Variants in PDE4D observed in about 807,000 individuals in gnomAD.
The protein encoded by PDE4D is phosphodiesterase 4D.
A neutral mutation model predicts 87.4 loss-of-function variants in PDE4D; 24 were observed. That is an observed-to-expected ratio of 0.27 (90% CI 0.20 to 0.39). The LOEUF (loss-of-function observed/expected upper bound fraction) is 0.39. PDE4D is among the 10% of genes least tolerant of loss of function. The pLI, the probability that PDE4D is intolerant of heterozygous loss-of-function variation, is 1.00. For synonymous variants in PDE4D, 384 were observed against 383.2 expected (o/e 1.00, Z -0.02); for missense variants, 714 against 1,041.0 (o/e 0.69, Z 4.32).
chr5:59,920,881 G>A (rs1385850644), intron 3 of PDE4D, among the ~76,000 whole-genome samples: 1 of 141,404 alleles, frequency 7.1e-6, no homozygotes. Context: ...GAGGGGGGAG[G>A]GGGAGGGAAA....
chr5:59,000,448 C>T (rs1750259926), intron 6 of PDE4D, among the ~76,000 whole-genome samples: 1 of 152,118 alleles, frequency 6.6e-6, no homozygotes, highest in Admixed American at 6.6e-5. Context: ...GACTAATGTC[C>T]AGAATTCACA....
chr5:60,201,623 T>A (rs1741922460), intron 1 of PDE4D, among the ~76,000 whole-genome samples: 1 of 152,162 alleles, frequency 6.6e-6, no homozygotes, highest in South Asian at 2.1e-4. Flanking sequence ...ATCACACAGC[T>A]ACAACAATAT....
At chr5:59,885,384 T>G (rs1005306042) in intron 1 of PDE4D, among the ~76,000 whole-genome samples, 1 of 152,164 alleles carries the variant, frequency 6.6e-6, no homozygotes, top group Non-Finnish European at 1.5e-5. Context: ...CCTCTGACCT[T>G]ATCTGTCTGA....
At chr5:59,939,409 C>T (rs915971003) in intron 3 of PDE4D, among the ~76,000 whole-genome samples, 1 of 152,142 alleles carries the variant, frequency 6.6e-6, no homozygotes, top group Non-Finnish European at 1.5e-5. Context: ...GACACAATGG[C>T]AAGCAAAACA....
At chr5:59,836,231 C>T (rs1479680317) in intron 1 of PDE4D, among the ~76,000 whole-genome samples, 2 of 151,996 alleles carry the variant, frequency 1.3e-5, no homozygotes, top group East Asian at 1.9e-4. Flanking sequence ...CATTACAATA[C>T]TTAGCACAGT....
At chr5:59,271,524 T>C (rs986977487) in intron 1 of PDE4D, among the ~76,000 whole-genome samples, 2 of 152,100 alleles carry the variant, frequency 1.3e-5, no homozygotes, top group African/African-American at 4.8e-5. Context: ...AATTATAAAA[T>C]TGGACATTTT....
intron 1 of PDE4D, among the ~76,000 whole-genome samples, chr5:59,821,735 AGG>A (rs1280043843): frequency 6.6e-6 from 1 of 152,124 alleles, no homozygotes; most frequent in African/African-American, 2.4e-5. Flanking sequence ...GCTCTAGAGG[AGG>A]GGAGGAAGAA....
chr5:59,017,842 TA>T (rs1754350082), intron 6 of PDE4D, among the ~76,000 whole-genome samples: 1 of 152,182 alleles, frequency 6.6e-6, no homozygotes, highest in African/African-American at 2.4e-5. Flanking sequence ...AAGGCAATAA[TA>T]AGTGCAATTA....
At chr5:60,495,566 T>G (rs1214811107) in intron 1 of PDE4D, among the ~76,000 whole-genome samples, 1 of 152,200 alleles carries the variant, frequency 6.6e-6, no homozygotes, top group Non-Finnish European at 1.5e-5. Context: ...CTGGTACAAA[T>G]TTTCAATGCT....
chr5:59,233,418 C>T (rs1390882761), intron 1 of PDE4D, among the ~76,000 whole-genome samples: 1 of 152,124 alleles, frequency 6.6e-6, no homozygotes, highest in Non-Finnish European at 1.5e-5. Flanking sequence ...GGTTCAGAGT[C>T]TATAGAAAAA....
At chr5:59,594,072 A>T (rs1287659306) in intron 1 of PDE4D, among the ~76,000 whole-genome samples, 1 of 151,250 alleles carries the variant, frequency 6.6e-6, no homozygotes, top group African/African-American at 2.4e-5. Context: ...ACTCCAGCCC[A>T]CTCTAGCCTA....
At chr5:59,126,668 AT>A (rs1775448789) in intron 5 of PDE4D, among the ~76,000 whole-genome samples, 1 of 152,156 alleles carries the variant, frequency 6.6e-6, no homozygotes, top group Non-Finnish European at 1.5e-5. Context: ...TTAAACCCAC[AT>A]TTCCTGCCAG....
intron 5 of PDE4D, among the ~76,000 whole-genome samples, chr5:59,043,522 C>CA (rs1259626607): frequency 2.8e-5 from 4 of 141,500 alleles, no homozygotes; most frequent in East Asian, 4.0e-4. Context: ...GACTCCGACT[C>CA]AAAAAAACAA....
In PDE4D at chr5:59,235,371, G is replaced by T. The variant is rs145135107; in HGVS notation, c.456-19403C>A. 6.9e-4 allele frequency among the ~76,000 whole-genome samples: 105 copies of T among 152,276 alleles called. 1 individual carries two copies. The highest frequency in any genetic ancestry group is 2.0e-3 in the African/African-American group (84 of 41,562). On this transcript the variant is annotated intron_variant, in intron 1 of 14. Transcript: ENST00000340635. ...CAGGTTGTTTCTGAGCACCTTCACAGGCATTGTTCAGTGGAATTCACACAG... is the reference window on the plus strand; with the variant it reads ...CAGGTTGTTTCTGAGCACCTTCACATGCATTGTTCAGTGGAATTCACACAG...
At chr5:59,143,621 ATAAT>A (rs1483086465) in intron 5 of PDE4D, among the ~76,000 whole-genome samples, 1 of 152,242 alleles carries the variant, frequency 6.6e-6, no homozygotes, top group Non-Finnish European at 1.5e-5. Context: ...AATAAATATT[ATAAT>A]TAATACAGTT....
chr5:59,981,622 G>A (rs1240258411), intron 3 of PDE4D, among the ~76,000 whole-genome samples: 2 of 152,096 alleles, frequency 1.3e-5, no homozygotes, highest in Non-Finnish European at 2.9e-5. Flanking sequence ...GTGGGTTATA[G>A]ATCTTCCATA....
chr5:59,030,491 G>C (rs1187217957), intron 6 of PDE4D, among the ~76,000 whole-genome samples: 2 of 147,126 alleles, frequency 1.4e-5, no homozygotes. Flanking sequence ...TGTAATCCCA[G>C]TGCTTTGGGA....
chr5:59,313,149 G>A (rs1773024192), intron 1 of PDE4D, among the ~76,000 whole-genome samples: 1 of 152,230 alleles, frequency 6.6e-6, no homozygotes, highest in African/African-American at 2.4e-5. Context: ...CTCTGGAAAT[G>A]ACAGGTAGTG....
At chr5:59,740,881 T>C (rs1758733178) in intron 1 of PDE4D, among the ~76,000 whole-genome samples, 2 of 152,184 alleles carry the variant, frequency 1.3e-5, no homozygotes, top group Admixed American at 6.5e-5. Flanking sequence ...AGATTTACAG[T>C]AAATTTATCT....
Sources: gnomAD v4.1 joint callset for allele counts (sites outside exome capture counted in the v4.1 genomes callset) on GRCh38, gnomAD v4.1.1 for gene constraint, MANE v1.5 for transcripts, NCBI Gene and HGNC (gene_info 2026-07-23, HGNC 2026-07-21) for gene names.